XKR7: variants seen among roughly 807,000 people sequenced by gnomAD.
XKR7 encodes the protein XK-related protein 7.
In XKR7, 11 loss-of-function variants were observed where a neutral mutation model predicts 42.2. The observed-to-expected ratio is 0.26, with a 90% CI of 0.16 to 0.43. The LOEUF is 0.43. Among genes scored for constraint, XKR7 ranks in the 20% least tolerant of loss-of-function variants. The pLI is 1.00. For synonymous variants in XKR7, 346 were observed against 366.4 expected (o/e 0.94, Z 0.64); for missense variants, 710 against 802.2 (o/e 0.89, Z 1.39).
At chr20:31,996,177 A>T (rs1427318250) in intron 2 of XKR7, among the ~76,000 whole-genome samples, 1 of 149,708 alleles carries the variant, frequency 6.7e-6, no homozygotes, top group Non-Finnish European at 1.5e-5. Context: ...AGAGTCCCGG[A>T]CCCTCATTTC....
rs2064446741 is a variant in XKR7 at position 31,968,508 on chromosome 20, G to T, written c.333G>T (p.Trp111Cys). 6.2e-7 allele frequency: 1 copy of T among 1,612,872 alleles called. No individual in the cohort carries two copies. Among genetic ancestry groups the T allele is most frequent in the South Asian group, 1.1e-5 (1 of 90,994 alleles). The change falls in exon 1 of 3, where the codon TGG becomes TGT. Residue 111 changes from tryptophan (W) to cysteine (C), a missense_variant. Coordinates refer to ENST00000562532, the MANE Select transcript of XKR7 (RefSeq NM_001011718.2). The surrounding 1 kb of genome is among the most constrained non-coding windows in gnomAD (Gnocchi z 4.5). ...TCGTGCAGTTACTGAGCTTCCGCTG[G>T]TTCGTCTACGACTACTCGGAGCCCG... The part of the protein sequence containing the change: ...SLVVQLLSFR[W>C]FVYDYSEPAG...
rs1263130711 is a variant in XKR7 at position 32,003,249 on chromosome 20, G to A, written c.*5792G>A. 1.3e-5 allele frequency: 2 copies of A among 152,136 alleles called. No individual in the cohort carries two copies. Among genetic ancestry groups the A allele is most frequent in the South Asian group, 2.1e-4 (1 of 4,826 alleles). 9.4% of individuals were successfully genotyped at this position (152,136 alleles called of 1,614,324 possible). A position where few individuals can be genotyped will look rare whatever the true frequency, so the allele number is the denominator to read the frequency against. On this transcript the variant is annotated 3_prime_UTR_variant, in exon 3 of 3. Transcript: ENST00000562532. The stretch of plus-strand genomic sequence containing the variant: ...TCCCCCTGACCCCCATTCACCCTCC[G>A]AGCTTCCCCCAGGAGGGGGAGGGGG...
At position 31,995,282 on chromosome 20, in the gene XKR7, C is replaced by T; in HGVS notation, c.787+12C>T. ...CGACCTGCTGCCGGGTGAGCCCGCC[C>T]CTTCACCCTCTGCGCCTGGGACCAC... is the stretch of plus-strand genomic sequence containing the variant. On this transcript the variant is annotated intron_variant, in intron 2 of 2. Coordinates refer to ENST00000562532, the MANE Select transcript of XKR7 (RefSeq NM_001011718.2). This position sits in a 1 kb window ranked among gnomAD's most constrained non-coding sequence, Gnocchi z 4.1. 6.5e-7 allele frequency: 1 copy of T among 1,534,164 alleles called. No homozygotes were observed. Among genetic ancestry groups the T allele is most frequent in the Non-Finnish European group, 8.7e-7 (1 of 1,146,064 alleles).
At chr20:31,980,455 C>T (rs904623850) in intron 1 of XKR7, among the ~76,000 whole-genome samples, 1 of 152,192 alleles carries the variant, frequency 6.6e-6, no homozygotes, top group African/African-American at 2.4e-5. Flanking sequence ...TCCTAGAGAA[C>T]CCATAGACCA....
At chr20:31,969,446 G>A (rs1018382741) in intron 1 of XKR7, among the ~76,000 whole-genome samples, 6 of 152,148 alleles carry the variant, frequency 3.9e-5, no homozygotes, top group Admixed American at 3.3e-4. Flanking sequence ...CTTTAATCCC[G>A]AACTGGTAAG....
chr20:31,979,241 G>T lies in XKR7; in HGVS notation c.584+10482G>T, dbSNP rs578164161. ...TTTTTCTTTTTTTTTTAAAGAGAAG[G>T]TTTCACTCTGCCACCCAGGCAAGAA... On this transcript the variant is annotated intron_variant, in intron 1 of 2. Transcript: ENST00000562532. 2.6e-5 allele frequency among the ~76,000 whole-genome samples: 4 copies of T among 151,436 alleles called. No homozygotes were observed. In the East Asian group the frequency reaches 5.8e-4, roughly 22 times the overall value.
In XKR7 at chr20:31,997,565, G is replaced by T. The variant is rs2064601498; in HGVS notation, c.*108G>T. The T allele has an allele frequency of 9.2e-7, 1 of 1,090,050 alleles. No homozygotes were observed. The highest frequency in any genetic ancestry group is 1.3e-6 in the Non-Finnish European group (1 of 779,340). The allele number at this position is 1,090,050 out of a possible 1,614,324, so 67.5% of individuals were successfully genotyped here. ...CAGGCTAAGGGGGAGTGGATCTGTT[G>T]GTCCAAGGGTAGAGTGGCCCCACTC... On this transcript the variant is annotated 3_prime_UTR_variant, in exon 3 of 3. Transcript: ENST00000562532.
chr20:31,991,119 G>A (rs997350670), intron 1 of XKR7, among the ~76,000 whole-genome samples: 1 of 152,192 alleles, frequency 6.6e-6, no homozygotes, highest in African/African-American at 2.4e-5. Context: ...AGGTGGGCAG[G>A]TGGCCCGTCA....
chr20:31,996,617 G>A lies in XKR7; in HGVS notation c.900G>A (p.Val300=). ...GGCCGCTGTCCTACAAGGGCGCCGT[G>A]GCACAGGTGCTGTGGCACCTGTTCA... ...DKRPLSYKGA[V]AQVLWHLFSI... is the part of the protein sequence containing the mutation. Residue 300 remains valine, a synonymous_variant, in exon 3 of 3, where the codon GTG becomes GTA. Coordinates refer to ENST00000562532, the MANE Select transcript of XKR7 (RefSeq NM_001011718.2). 1 of 1,576,776 alleles carries A rather than the reference G, an allele frequency of 6.3e-7. No individual in the cohort carries two copies. Among genetic ancestry groups the A allele is most frequent in the Non-Finnish European group, 8.6e-7 (1 of 1,160,868 alleles).
Position 32,000,195 on chromosome 20 carries a change from G to T in XKR7, c.*2738G>T, listed in dbSNP as rs1240450367. On this transcript the variant is annotated 3_prime_UTR_variant, in exon 3 of 3. Transcript: ENST00000562532. ...CCAGGAGCTCGGGACCAGGCCTGAG[G>T]CCCCCTGCTCCACTGGCTTGTCCCT... 6.6e-6 allele frequency: 1 copy of T among 152,324 alleles called. No homozygotes were observed. Among genetic ancestry groups the T allele is most frequent in the East Asian group, 1.9e-4 (1 of 5,190 alleles). The allele number at this position is 152,324 out of a possible 1,614,324, so 9.4% of individuals were successfully genotyped here.
chr20:31,968,535 A>G lies in XKR7; in HGVS notation c.360A>G (p.Ala120=). Reference sequence around the variant, plus strand: ...TCGTCTACGACTACTCGGAGCCCGCAGGGTCCCCGGGACCCGCCGTCAGCA... The same window carrying G: ...TCGTCTACGACTACTCGGAGCCCGCGGGGTCCCCGGGACCCGCCGTCAGCA... ...RWFVYDYSEP[A]GSPGPAVSTK... Residue 120 remains alanine (A), a synonymous_variant, in exon 1 of 3, where the codon GCA becomes GCG. Transcript: ENST00000562532. The surrounding 1 kb of genome is among the most constrained non-coding windows in gnomAD (Gnocchi z 4.5). 2.5e-6 allele frequency: 4 copies of G among 1,608,058 alleles called. No homozygotes were observed. The highest frequency in any genetic ancestry group is 1.1e-5 in the South Asian group (1 of 90,728).
rs1568897983 is a variant in XKR7 at position 32,002,419 on chromosome 20, ATCTC to A, written c.*4969_*4972del. ...CCAGGGGGGAAAAGGTGATTCCTCCATCTCTCTCTCACCCAAATCCCCCCAGATC... is the reference window on the plus strand; with the variant it reads ...CCAGGGGGGAAAAGGTGATTCCTCCATCTCTCACCCAAATCCCCCCAGATC... On this transcript the variant is annotated 3_prime_UTR_variant, in exon 3 of 3. Coordinates refer to ENST00000562532, the MANE Select transcript of XKR7 (RefSeq NM_001011718.2). 2 of 152,020 alleles carry A rather than the reference ATCTC, an allele frequency of 1.3e-5. No homozygotes were observed. Among genetic ancestry groups the A allele is most frequent in the African/African-American group, 2.4e-5 (1 of 41,362 alleles). 9.4% of individuals were successfully genotyped at this position (152,020 alleles called of 1,614,324 possible).
rs1424182241 is a variant in XKR7 at position 32,001,737 on chromosome 20, G to C, written c.*4280G>C. On this transcript the variant is annotated 3_prime_UTR_variant, in exon 3 of 3. Transcript: ENST00000562532. Reference sequence around the variant, plus strand: ...CTACATTGGGTTGCAGGGGAGTCCAGGTGCAGGATGTGGACTGAAAGCCAG... The same window carrying C: ...CTACATTGGGTTGCAGGGGAGTCCACGTGCAGGATGTGGACTGAAAGCCAG... The C allele has an allele frequency of 6.6e-6, 1 of 152,284 alleles. No individual in the cohort carries two copies. The highest frequency in any genetic ancestry group is 2.4e-5 in the African/African-American group (1 of 41,458). 9.4% of individuals were successfully genotyped at this position (152,284 alleles called of 1,614,324 possible).
Position 31,981,768 on chromosome 20 carries a change from C to T in XKR7, c.584+13009C>T, listed in dbSNP as rs570125198. Among the ~76,000 whole-genome samples the T allele has an allele frequency of 7.9e-5, 12 of 152,312 alleles. No homozygotes were observed. The East Asian group carries it at 1.9e-3, about 24-fold the overall frequency. ...AATACCATGGTTCACGTCTCCACTTCGTGTCGTGCTTTCTTCCCTTTCTTC... is the reference window on the plus strand; with the variant it reads ...AATACCATGGTTCACGTCTCCACTTTGTGTCGTGCTTTCTTCCCTTTCTTC... On this transcript the variant is annotated intron_variant, in intron 1 of 2. Transcript: ENST00000562532.
intron 1 of XKR7, among the ~76,000 whole-genome samples, chr20:31,974,525 T>C (rs1039008098): frequency 1.3e-5 from 2 of 152,196 alleles, no homozygotes; most frequent in African/African-American, 4.8e-5. Context: ...GACACTCTAA[T>C]AATAGCACCT....
At chr20:31,972,936 G>T (rs1480049563) in intron 1 of XKR7, among the ~76,000 whole-genome samples, 2 of 152,136 alleles carry the variant, frequency 1.3e-5, no homozygotes, top group South Asian at 2.1e-4. Context: ...CGGTTGAGAG[G>T]GTTGAGAGCA....
intron 1 of XKR7, among the ~76,000 whole-genome samples, chr20:31,977,839 C>T (rs560152942): frequency 6.6e-6 from 1 of 152,168 alleles, no homozygotes; most frequent in South Asian, 2.1e-4. Flanking sequence ...GTGTGAACTC[C>T]ACATCAGCAG....
intron 1 of XKR7, among the ~76,000 whole-genome samples, chr20:31,983,903 G>A (rs547199321): frequency 1.2e-3 from 187 of 151,016 alleles, no homozygotes; most frequent in African/African-American, 3.6e-3. Flanking sequence ...AGCCAAGATC[G>A]TGCTATTGCA....
At chr20:31,973,760 G>C (rs1046913502) in intron 1 of XKR7, among the ~76,000 whole-genome samples, 5 of 152,204 alleles carry the variant, frequency 3.3e-5, no homozygotes, top group Admixed American at 1.3e-4. Flanking sequence ...CAGGGGCGAG[G>C]TCATGCAGGG....
Sources: allele counts gnomAD v4.1 joint callset (sites outside exome capture counted in the v4.1 genomes callset), GRCh38; gene constraint gnomAD v4.1.1; non-coding constraint Gnocchi (gnomAD v3.1); transcripts MANE v1.5; gene names NCBI Gene and HGNC (gene_info 2026-07-23, HGNC 2026-07-21).